The following RAD51B variants were observed in gnomAD, a reference collection of about 807,000 sequenced individuals.
RAD51B encodes DNA repair protein RAD51 homolog 2.
Under a neutral mutation model 42.2 loss-of-function variants are expected in RAD51B, and 38 were observed. The observed-to-expected ratio is 0.90, with a 90% CI of 0.70 to 1.18. RAD51B has a LOEUF of 1.18. Ranked by LOEUF, RAD51B falls within the 50% of genes most tolerant of loss-of-function variation. The pLI, the probability that RAD51B is intolerant of heterozygous loss-of-function variation, is 0.00. For synonymous variants in RAD51B, 154 were observed against 145.2 expected, an observed-to-expected ratio of 1.06 and a Z score of -0.43; for missense variants, 373 against 400.7, an observed-to-expected ratio of 0.93 and a Z score of 0.59.
At chr14:68,073,997 G>T (rs181215691) in intron 7 of RAD51B, among the ~76,000 whole-genome samples, 9 of 152,228 alleles carry the variant, frequency 5.9e-5, no homozygotes, top group Admixed American at 3.9e-4. Context: ...TGACGACTGG[G>T]TGCTTTGGGG....
chr14:68,661,108 T>A (rs1892922611), intron 11 of RAD51B, among the ~76,000 whole-genome samples: 1 of 152,146 alleles, frequency 6.6e-6, no homozygotes, highest in African/African-American at 2.4e-5. Context: ...GTCAGCAACC[T>A]TTTTGAAAGG....
At chr14:68,065,546 T>C (rs1286027726) in intron 7 of RAD51B, among the ~76,000 whole-genome samples, 3 of 152,090 alleles carry the variant, frequency 2.0e-5, no homozygotes, top group Non-Finnish European at 4.4e-5. Context: ...TCGGAATGGC[T>C]TGGATGCTGC....
At chr14:68,501,922 G>A (rs369378149) in intron 10 of RAD51B, among the ~76,000 whole-genome samples, 11 of 152,372 alleles carry the variant, frequency 7.2e-5, no homozygotes, top group African/African-American at 1.4e-4. Flanking sequence ...TAGAAAGGGC[G>A]GAGCCGAGTG....
intron 8 of RAD51B, chr14:68,387,053 T>C (rs2083609702): frequency 1.3e-5 from 2 of 152,242 alleles, no homozygotes; most frequent in Non-Finnish European, 2.9e-5. Flanking sequence ...GTATCAGGGA[T>C]GGTTGTTGCT....
At chr14:68,401,493 A>C (rs1380350796) in intron 8 of RAD51B, among the ~76,000 whole-genome samples, 2 of 152,088 alleles carry the variant, frequency 1.3e-5, no homozygotes, top group Non-Finnish European at 2.9e-5. Context: ...TGCATTCCAG[A>C]GGTTCTGATT....
intron 7 of RAD51B, among the ~76,000 whole-genome samples, chr14:68,283,428 C>A (rs2081357238): frequency 6.6e-6 from 1 of 152,206 alleles, no homozygotes; most frequent in African/African-American, 2.4e-5. Context: ...GTCATCTGAC[C>A]ATTGGCCTTG....
intron 10 of RAD51B, among the ~76,000 whole-genome samples, chr14:68,629,695 T>G (rs1039390963): frequency 2.0e-5 from 3 of 152,226 alleles, no homozygotes; most frequent in African/African-American, 7.2e-5. Context: ...CCAGGAGTCC[T>G]CCTTCTGTGG....
intron 7 of RAD51B, among the ~76,000 whole-genome samples, chr14:67,932,533 C>T (rs2044777787): frequency 6.6e-6 from 1 of 152,000 alleles, no homozygotes; most frequent in Non-Finnish European, 1.5e-5. Context: ...ATTCTTGGCT[C>T]CCCAGGTGGC....
chr14:68,315,577 A>G (rs1373982051), intron 8 of RAD51B, among the ~76,000 whole-genome samples: 2 of 152,034 alleles, frequency 1.3e-5, no homozygotes, highest in Non-Finnish European at 2.9e-5. Flanking sequence ...GCTGGAGTGC[A>G]GTGGCGTGAT....
At chr14:68,366,759 G>A (rs550049883) in intron 8 of RAD51B, among the ~76,000 whole-genome samples, 1 of 152,208 alleles carries the variant, frequency 6.6e-6, no homozygotes, top group Non-Finnish European at 1.5e-5. Flanking sequence ...GCTCTCAAGA[G>A]GTTCTTATGT....
chr14:68,471,534 C>T (rs1452571070), intron 10 of RAD51B, among the ~76,000 whole-genome samples: 1 of 152,082 alleles, frequency 6.6e-6, no homozygotes, highest in Admixed American at 6.5e-5. Flanking sequence ...CTACCCTTCC[C>T]TCCCCTTTGT....
At chr14:68,222,921 G>C (rs1214919885) in intron 7 of RAD51B, among the ~76,000 whole-genome samples, 1 of 152,006 alleles carries the variant, frequency 6.6e-6, no homozygotes, top group African/African-American at 2.4e-5. Context: ...TATTCCTGCG[G>C]ATGCACACAT....
chr14:67,946,461 C>T (rs924956527), intron 7 of RAD51B, among the ~76,000 whole-genome samples: 32 of 152,032 alleles, frequency 2.1e-4, no homozygotes, highest in African/African-American at 7.2e-4. Flanking sequence ...CTCCGCCTCC[C>T]CAGTTCAAGC....
intron 7 of RAD51B, among the ~76,000 whole-genome samples, chr14:68,194,647 A>G (rs1272059381): frequency 6.6e-6 from 1 of 152,234 alleles, no homozygotes; most frequent in African/African-American, 2.4e-5. Flanking sequence ...CACAGGAATA[A>G]TCTGAGTAAT....
intron 10 of RAD51B, among the ~76,000 whole-genome samples, chr14:68,577,878 A>C (rs1475231225): frequency 6.6e-6 from 1 of 152,222 alleles, no homozygotes; most frequent in Non-Finnish European, 1.5e-5. Context: ...ATGGAGTCAG[A>C]CATGTCCTCA....
chr14:68,516,631 A>G (rs1247716237), intron 10 of RAD51B, among the ~76,000 whole-genome samples: 2 of 152,228 alleles, frequency 1.3e-5, no homozygotes, highest in Non-Finnish European at 1.5e-5. Context: ...GTTAGTTGCA[A>G]TGTGGAATCT....
At chr14:68,126,566 G>A (rs2077764822) in intron 7 of RAD51B, among the ~76,000 whole-genome samples, 2 of 152,180 alleles carry the variant, frequency 1.3e-5, no homozygotes, top group South Asian at 4.1e-4. Context: ...TTGCTGCTGA[G>A]CTGGAGAAGA....
At chr14:67,904,685 TC>T (rs1595087199) in intron 7 of RAD51B, among the ~76,000 whole-genome samples, 2 of 151,950 alleles carry the variant, frequency 1.3e-5, no homozygotes, top group East Asian at 3.9e-4. Flanking sequence ...TGTATTTTTT[TC>T]ATATGCCTTT....
chr14:68,593,251 G>A (rs1019344270), intron 10 of RAD51B, among the ~76,000 whole-genome samples: 7 of 152,310 alleles, frequency 4.6e-5, no homozygotes, highest in South Asian at 4.1e-4. Context: ...CAGTAGCCTC[G>A]TCTAGAAAAC....
Sources: gnomAD v4.1 joint callset for allele counts (sites outside exome capture counted in the v4.1 genomes callset) on GRCh38, gnomAD v4.1.1 for gene constraint, MANE v1.5 for transcripts, NCBI Gene and HGNC (gene_info 2026-07-23, HGNC 2026-07-21) for gene names.